Variants in CADPS2 observed in about 807,000 individuals in gnomAD.
CADPS2 encodes calcium dependent secretion activator 2.
In CADPS2, 93 loss-of-function variants were observed where a neutral mutation model predicts 172.5. That is an observed-to-expected ratio of 0.54 (90% CI 0.46 to 0.64). CADPS2 has a LOEUF of 0.64. Among genes scored for constraint, CADPS2 ranks in the 30% least tolerant of loss-of-function variants. CADPS2 has a pLI of 0.00. For synonymous variants in CADPS2, 546 were observed against 555.2 expected, an observed-to-expected ratio of 0.98 and a Z score of 0.23; for missense variants, 1,420 against 1,565.9, an observed-to-expected ratio of 0.91 and a Z score of 1.57.
At chr7:122,797,654 T>G (rs1796675862) in intron 1 of CADPS2, among the ~76,000 whole-genome samples, 1 of 149,876 alleles carries the variant, frequency 6.7e-6, no homozygotes, top group South Asian at 2.1e-4. Flanking sequence ...TGAGAACACA[T>G]GGACACCTAG....
chr7:122,579,442 T>C (rs1057196356), intron 7 of CADPS2, among the ~76,000 whole-genome samples: 1 of 118,060 alleles, frequency 8.5e-6, no homozygotes, highest in Non-Finnish European at 1.7e-5. Flanking sequence ...AGATATAAAA[T>C]TGCATCGAAT....
intron 3 of CADPS2, among the ~76,000 whole-genome samples, chr7:122,645,626 A>C (rs532349732): frequency 4.0e-5 from 5 of 126,464 alleles, no homozygotes; most frequent in Non-Finnish European, 8.2e-5. Context: ...TAAGATACAT[A>C]TATCTCTACT....
intron 6 of CADPS2, among the ~76,000 whole-genome samples, chr7:122,614,685 C>G (rs553133574): frequency 6.6e-6 from 1 of 152,244 alleles, no homozygotes; most frequent in East Asian, 1.9e-4. Context: ...CAAAAAGCAG[C>G]TTTATGCTCT....
chr7:122,364,107 C>T (rs2040538533), intron 25 of CADPS2, among the ~76,000 whole-genome samples: 1 of 152,044 alleles, frequency 6.6e-6, no homozygotes, highest in Non-Finnish European at 1.5e-5. Flanking sequence ...ATGCAATGTG[C>T]CCAGCATATA....
At chr7:122,595,357 G>T (rs990450969) in intron 6 of CADPS2, among the ~76,000 whole-genome samples, 2 of 151,996 alleles carry the variant, frequency 1.3e-5, no homozygotes, top group East Asian at 3.9e-4. Context: ...TCCCCTAATT[G>T]ATGTCTAATT....
chr7:122,598,694 C>T (rs968591350), intron 6 of CADPS2, among the ~76,000 whole-genome samples: 1 of 152,050 alleles, frequency 6.6e-6, no homozygotes, highest in African/African-American at 2.4e-5. Context: ...TTTGGTAAAA[C>T]AGTGTCCTCC....
chr7:122,527,617 A>AGATAGAGTGTGT, intron 8 of CADPS2, among the ~76,000 whole-genome samples: 5 of 83,886 alleles, frequency 6.0e-5, no homozygotes, highest in African/African-American at 2.1e-4. Context: ...AGAGAGAGAG[A>AGATAGAGTGTGT]GTGTGTGTGT....
chr7:122,612,382 A>C (rs895991765), intron 6 of CADPS2, among the ~76,000 whole-genome samples: 3 of 151,994 alleles, frequency 2.0e-5, no homozygotes, highest in Admixed American at 6.6e-5. Flanking sequence ...TACAAAAATA[A>C]TTATATTTCT....
chr7:122,881,450 G>A (rs1365641827), intron 1 of CADPS2, among the ~76,000 whole-genome samples: 1 of 152,164 alleles, frequency 6.6e-6, no homozygotes, highest in Non-Finnish European at 1.5e-5. Context: ...CTGAGATACT[G>A]TTTTAAGTCC....
intron 3 of CADPS2, among the ~76,000 whole-genome samples, chr7:122,647,837 T>C (rs779817953): frequency 4.6e-5 from 7 of 152,188 alleles, no homozygotes; most frequent in Non-Finnish European, 7.3e-5. Context: ...GCCTGACATA[T>C]AGTGTCAAAT....
intron 8 of CADPS2, among the ~76,000 whole-genome samples, chr7:122,516,501 G>A (rs2060386884): frequency 1.3e-5 from 2 of 152,098 alleles, no homozygotes; most frequent in Admixed American, 1.3e-4. Context: ...CCATGCCACT[G>A]CACTCCGGCC....
chr7:122,742,900 G>A (rs2092561496), intron 1 of CADPS2, among the ~76,000 whole-genome samples: 1 of 152,028 alleles, frequency 6.6e-6, no homozygotes, highest in East Asian at 1.9e-4. Context: ...ATCAGTTCAG[G>A]ATTAAGGAAA....
intron 1 of CADPS2, among the ~76,000 whole-genome samples, chr7:122,814,138 C>G (rs1442308359): frequency 2.0e-5 from 3 of 151,286 alleles, no homozygotes; most frequent in Non-Finnish European, 3.0e-5. Flanking sequence ...TTAACTAAAC[C>G]AAGCTATTCT....
chr7:122,592,539 G>C (rs1478549897), intron 6 of CADPS2, among the ~76,000 whole-genome samples: 2 of 152,070 alleles, frequency 1.3e-5, no homozygotes, highest in Non-Finnish European at 2.9e-5. Context: ...ACATGCACAC[G>C]TATGTTTATT....
At chr7:122,732,848 T>A (rs1220946808) in intron 2 of CADPS2, among the ~76,000 whole-genome samples, 7 of 142,614 alleles carry the variant, frequency 4.9e-5, no homozygotes, top group African/African-American at 1.8e-4. Context: ...TTATATATGC[T>A]ATGTATATTA....
chr7:122,390,866 T>C (rs946988809), intron 22 of CADPS2, among the ~76,000 whole-genome samples: 3 of 151,998 alleles, frequency 2.0e-5, no homozygotes, highest in African/African-American at 4.8e-5. Context: ...ATGTGAGTAG[T>C]AGACTCTGAG....
rs533239796 is a variant in CADPS2, at chr7:122,868,596, G to A, written c.339+17403C>T. Among the ~76,000 whole-genome samples the A allele has an allele frequency of 3.9e-5, 6 of 152,178 alleles. No individual in the cohort carries two copies. The South Asian group carries it at 8.3e-4, about 21-fold the overall frequency. Reference sequence around the variant, plus strand: ...CTGATTGGAAAGAAAGATCTTTTACGCAAGACCACTCCAACAAGACAGGAA... The same window carrying A: ...CTGATTGGAAAGAAAGATCTTTTACACAAGACCACTCCAACAAGACAGGAA... On this transcript the variant is annotated intron_variant, in intron 1 of 29. Coordinates refer to ENST00000449022, the MANE Select transcript of CADPS2 (RefSeq NM_017954.11).
At chr7:122,523,830 A>T (rs1026522071) in intron 8 of CADPS2, among the ~76,000 whole-genome samples, 2 of 152,176 alleles carry the variant, frequency 1.3e-5, no homozygotes, top group Non-Finnish European at 2.9e-5. Flanking sequence ...AAAATGTCTC[A>T]GAAGTAAATA....
In CADPS2 at chr7:122,397,307, T is replaced by C. The variant is rs573157522; in HGVS notation, c.2747-3725A>G. On this transcript the variant is annotated intron_variant, in intron 20 of 29. Transcript: ENST00000449022. The stretch of plus-strand genomic sequence containing the variant: ...AGTTTGCTCAGAATTCAGCAAAGAG[T>C]TATTTTTTATTTGAAAAAAATTATA... 2.0e-5 allele frequency among the ~76,000 whole-genome samples: 3 copies of C among 152,056 alleles called. No individual in the cohort carries two copies. In the South Asian group the frequency reaches 6.2e-4, roughly 32 times the overall value.
Sources: allele counts gnomAD v4.1 joint callset (sites outside exome capture counted in the v4.1 genomes callset), GRCh38; gene constraint gnomAD v4.1.1; transcripts MANE v1.5; gene names NCBI Gene and HGNC (gene_info 2026-07-23, HGNC 2026-07-21).